DPP6: variants seen among roughly 807,000 people sequenced by gnomAD.
DPP6 encodes the protein dipeptidyl peptidase like 6, also known as A-type potassium channel modulatory protein DPP6.
A neutral mutation model predicts 122.6 loss-of-function variants in DPP6; 69 were observed. The ratio of observed to expected loss-of-function variants is 0.56; its 90% confidence interval spans 0.46 to 0.69. DPP6 has a LOEUF of 0.69. DPP6 is among the 30% of genes least tolerant of loss of function. DPP6 has a pLI of 0.00. For synonymous variants in DPP6, 418 were observed against 433.1 expected (o/e 0.97, Z 0.43); for missense variants, 928 against 1,116.9 (o/e 0.83, Z 2.41).
intron 6 of DPP6, among the ~76,000 whole-genome samples, chr7:154,660,431 C>A (rs1197377303): frequency 6.7e-6 from 1 of 149,790 alleles, no homozygotes; most frequent in Non-Finnish European, 1.5e-5. Flanking sequence ...TGGTGAATCA[C>A]CATGGCGTAT....
rs1224994167 is a variant in DPP6 at position 154,606,092 on chromosome 7, T to C, written c.628-31729T>C. ...TGTATATTTGAGACTTTGTATTTGA[T>C]CAATTTTCATGACAAGGATTAATTT... is the stretch of plus-strand genomic sequence containing the variant. On this transcript the variant is annotated intron_variant, in intron 5 of 25. Coordinates refer to ENST00000377770, the MANE Select transcript of DPP6 (RefSeq NM_130797.4). Among the ~76,000 whole-genome samples, 6 of 120,380 alleles carry C rather than the reference T, an allele frequency of 5.0e-5. 1 individual carries two copies. Among genetic ancestry groups the C allele is most frequent in the Admixed American group, 4.7e-4 (5 of 10,630 alleles). The allele number at this position is 120,380 out of a possible 152,430, so 79.0% of individuals were successfully genotyped here.
intron 6 of DPP6, among the ~76,000 whole-genome samples, chr7:154,657,710 A>G (rs7456169): frequency 0.051 from 250 of 4,884 alleles, 93 homozygotes; most frequent in South Asian, 0.25. Context: ...AGGTGCTCAT[A>G]GGTGGGTGGA....
At chr7:153,966,997 G>A (rs776227778) in intron 1 of DPP6, among the ~76,000 whole-genome samples, 4 of 150,490 alleles carry the variant, frequency 2.7e-5, no homozygotes, top group Admixed American at 1.3e-4. Context: ...GCCCATGGAG[G>A]TCAAGACTGC....
chr7:154,288,734 A>C (rs1414715634), intron 1 of DPP6, among the ~76,000 whole-genome samples: 2 of 152,208 alleles, frequency 1.3e-5, no homozygotes, highest in African/African-American at 4.8e-5. Context: ...TTGAGCACCT[A>C]CTATAAATAA....
At chr7:153,826,081 G>A in the DPP6 span, among the ~76,000 whole-genome samples, 2 of 152,218 alleles carry the variant, frequency 1.3e-5, no homozygotes. Flanking sequence ...GCAGCATAGA[G>A]AAGACAGCAC....
intron 1 of DPP6, among the ~76,000 whole-genome samples, chr7:154,395,363 A>AT (rs1271006426): frequency 1.3e-5 from 2 of 152,202 alleles, no homozygotes; most frequent in South Asian, 4.1e-4. Context: ...TCTTAACAAC[A>AT]TTAAGTCTTC....
In DPP6 at chr7:154,868,044, C is replaced by T. The variant is rs1468311870; in HGVS notation, c.1764C>T (p.Asp588=). 7 of 1,609,292 alleles carry T rather than the reference C, an allele frequency of 4.3e-6. No homozygotes were observed. Among genetic ancestry groups the T allele is most frequent in the Non-Finnish European group, 5.1e-6 (6 of 1,178,026 alleles). ...TNEHVKKAIN[D]RQMPKVEYRD... ...AACATGTCAAGAAGGCCATAAATGA[C>T]CGACAGATGCCTAAAGTGGAATACA... The change falls in exon 18 of 26, where the codon GAC becomes GAT. Residue 588 remains aspartate, a synonymous_variant. Transcript: ENST00000377770.
Position 154,574,030 on chromosome 7 carries a change from A to C in DPP6, c.627+7114A>C, listed in dbSNP as rs904681527. On this transcript the variant is annotated intron_variant, in intron 5 of 25. Transcript: ENST00000377770. ...ATTGTTTTGACACAGAACTGGCTCAAAACTAACAATTATTTTCTTGTTTGT... is the reference window on the plus strand; with the variant it reads ...ATTGTTTTGACACAGAACTGGCTCACAACTAACAATTATTTTCTTGTTTGT... Among the ~76,000 whole-genome samples the C allele has an allele frequency of 9.2e-5, 14 of 152,382 alleles. 1 individual carries two copies. The South Asian group carries it at 2.9e-3, about 32-fold the overall frequency.
chr7:154,103,829 C>T (rs1299984246), intron 1 of DPP6, among the ~76,000 whole-genome samples: 6 of 152,240 alleles, frequency 3.9e-5, no homozygotes, highest in Non-Finnish European at 7.3e-5. Context: ...CCGGTTCCTC[C>T]GCCTTTGGAC....
intron 1 of DPP6, among the ~76,000 whole-genome samples, chr7:154,189,738 ATC>A (rs1406053219): frequency 2.0e-5 from 3 of 152,132 alleles, no homozygotes; most frequent in African/African-American, 7.2e-5. Context: ...TTGTATTTGA[ATC>A]TCTCTTTGTG....
Position 154,670,239 on chromosome 7 carries a change from C to T in DPP6, c.762+798C>T, listed in dbSNP as rs1039143837. On this transcript the variant is annotated intron_variant, in intron 7 of 25. Transcript: ENST00000377770. ...AGTCCCGTCAACATGCAAAACCCCC[C>T]GTGGTCATTGCAGCCTTCTCGGTTT... is the stretch of plus-strand genomic sequence containing the variant. Among the ~76,000 whole-genome samples, 7 of 152,292 alleles carry T rather than the reference C, an allele frequency of 4.6e-5. No individual in the cohort carries two copies. The East Asian group carries it at 5.8e-4, about 13-fold the overall frequency.
chr7:153,957,220 G>A (rs535815211), intron 1 of DPP6, among the ~76,000 whole-genome samples: 1 of 152,176 alleles, frequency 6.6e-6, no homozygotes, highest in African/African-American at 2.4e-5. Flanking sequence ...GTACTGAGAT[G>A]TCAGAAAAAT....
intron 1 of DPP6, among the ~76,000 whole-genome samples, chr7:154,168,208 G>A (rs73483567): frequency 0.016 from 2,426 of 152,232 alleles, 69 homozygotes; most frequent in African/African-American, 0.055. Context: ...CACCTTAGAA[G>A]CCCAGACAGA....
intron 6 of DPP6, among the ~76,000 whole-genome samples, chr7:154,668,764 T>A (rs1838359706): frequency 6.6e-6 from 1 of 152,174 alleles, no homozygotes; most frequent in Non-Finnish European, 1.5e-5. Context: ...TTTAAGTACT[T>A]AGAGAGGTTT....
At chr7:153,967,863 G>T (rs73729245) in intron 1 of DPP6, among the ~76,000 whole-genome samples, 11,136 of 151,058 alleles carry the variant, frequency 0.074, 1,225 homozygotes, top group African/African-American at 0.25. Context: ...AGCTGAGTTA[G>T]TGAGTCCTAT....
At chr7:154,463,199 T>C (rs1821452731) in intron 2 of DPP6, among the ~76,000 whole-genome samples, 1 of 72,650 alleles carries the variant, frequency 1.4e-5, no homozygotes, top group Non-Finnish European at 2.6e-5. Flanking sequence ...CCTTTTCTTT[T>C]TTTTTTTTTT....
rs538072470 is a variant in DPP6, at chr7:154,516,264, C to A, written c.458-24268C>A. 5.4e-5 allele frequency among the ~76,000 whole-genome samples: 8 copies of A among 146,902 alleles called. No individual in the cohort carries two copies. In the South Asian group the frequency reaches 1.7e-3, roughly 32 times the overall value. On this transcript the variant is annotated intron_variant, in intron 3 of 25. Coordinates refer to ENST00000377770, the MANE Select transcript of DPP6 (RefSeq NM_130797.4). ...TCCTCAATACCTACTCCGAACTCTG[C>A]TTTTTTTTTTTTTGGTCCAGACAGA...
chr7:153,955,444 A>T (rs1802414833), intron 1 of DPP6, among the ~76,000 whole-genome samples: 1 of 151,896 alleles, frequency 6.6e-6, no homozygotes, highest in Non-Finnish European at 1.5e-5. Context: ...TTATTTATTT[A>T]TGTATTTATT....
At chr7:154,212,339 A>G (rs1799785118) in intron 1 of DPP6, among the ~76,000 whole-genome samples, 1 of 152,254 alleles carries the variant, frequency 6.6e-6, no homozygotes, top group Non-Finnish European at 1.5e-5. Flanking sequence ...CCCTAAGAAA[A>G]TAAAGACATC....
Sources: gnomAD v4.1 joint callset for allele counts (sites outside exome capture counted in the v4.1 genomes callset) on GRCh38, gnomAD v4.1.1 for gene constraint, MANE v1.5 for transcripts, NCBI Gene and HGNC (gene_info 2026-07-23, HGNC 2026-07-21) for gene names.